The following SNTG1 variants were observed in gnomAD, a reference collection of about 807,000 sequenced individuals.
The protein encoded by SNTG1 is gamma-1-syntrophin.
SNTG1 carries 39 observed loss-of-function variants against 74.7 expected under a neutral mutation model. The observed-to-expected ratio is 0.52, with a 90% CI of 0.40 to 0.68. The LOEUF is 0.68. Ranked by LOEUF, SNTG1 falls within the 30% of genes least tolerant of loss-of-function variation. The pLI is 0.00. For synonymous variants in SNTG1, 254 were observed against 217.1 expected (o/e 1.17, Z -1.49); for missense variants, 685 against 609.5 (o/e 1.12, Z -1.30).
intron 9 of SNTG1, among the ~76,000 whole-genome samples, chr8:50,509,823 T>G (rs879208052): frequency 1.1e-4 from 16 of 152,002 alleles, no homozygotes; most frequent in African/African-American, 3.9e-4. Flanking sequence ...TGGGCTGAGA[T>G]GATGGGGTTT....
At chr8:50,149,048 T>C (rs1025449827) in intron 1 of SNTG1, among the ~76,000 whole-genome samples, 4 of 152,190 alleles carry the variant, frequency 2.6e-5, no homozygotes, top group Non-Finnish European at 4.4e-5. Context: ...CTCCACATCC[T>C]CTCCAGCACC....
chr8:50,049,442 CATAATAGTCATTAACA>C (rs1819380330), intron 1 of SNTG1, among the ~76,000 whole-genome samples: 1 of 152,096 alleles, frequency 6.6e-6, no homozygotes, highest in South Asian at 2.1e-4. Context: ...CATCAGAAGT[CATAATAGTCATTAACA>C]TGTTTGCACT....
intron 2 of SNTG1, among the ~76,000 whole-genome samples, chr8:50,327,014 G>C (rs2090775976): frequency 6.6e-6 from 1 of 151,992 alleles, no homozygotes; most frequent in Non-Finnish European, 1.5e-5. Flanking sequence ...ATATCTTTCT[G>C]TTATTGATTT....
At position 50,365,823 on chromosome 8, in the gene SNTG1, G is replaced by T. The variant is rs371534918; in HGVS notation, c.-27-28389G>T. Among the ~76,000 whole-genome samples, 6 of 152,104 alleles carry T rather than the reference G, an allele frequency of 3.9e-5. No homozygotes were observed. In the South Asian group the frequency reaches 6.2e-4, roughly 16 times the overall value. ...TGTTCTTGCTTATTCATTTTAAAAT[G>T]CATAAAATATTTTAAAAGCTTATTA... On this transcript the variant is annotated intron_variant, in intron 2 of 18. Coordinates refer to ENST00000642720, the MANE Select transcript of SNTG1 (RefSeq NM_018967.5).
intron 2 of SNTG1, among the ~76,000 whole-genome samples, chr8:50,371,491 G>A (rs983006558): frequency 6.6e-6 from 1 of 152,170 alleles, no homozygotes; most frequent in Non-Finnish European, 1.5e-5. Flanking sequence ...CTAACCTGGT[G>A]TGCAGATGAT....
chr8:50,740,368 A>G (rs1159742005), intron 17 of SNTG1, among the ~76,000 whole-genome samples: 1 of 151,884 alleles, frequency 6.6e-6, no homozygotes, highest in East Asian at 1.9e-4. Context: ...CATATGAAAA[A>G]AAAAAAAACC....
chr8:50,540,380 C>T lies in SNTG1; in HGVS notation c.680+3572C>T, dbSNP rs1585621045. On this transcript the variant is annotated intron_variant, in intron 11 of 18. Coordinates refer to ENST00000642720, the MANE Select transcript of SNTG1 (RefSeq NM_018967.5). Reference sequence around the variant, plus strand: ...AATTTCATGCTAGATGATTTCAATACTTTGATATTTGTTGAGGCTTGATTT... The same window carrying T: ...AATTTCATGCTAGATGATTTCAATATTTTGATATTTGTTGAGGCTTGATTT... Among the ~76,000 whole-genome samples, 3 of 151,934 alleles carry T rather than the reference C, an allele frequency of 2.0e-5. No individual in the cohort carries two copies. The East Asian group carries it at 5.8e-4, about 29-fold the overall frequency.
chr8:50,353,935 T>C (rs1253040050), intron 2 of SNTG1, among the ~76,000 whole-genome samples: 5 of 152,214 alleles, frequency 3.3e-5, no homozygotes, highest in Non-Finnish European at 7.3e-5. Context: ...AAGAATCTCA[T>C]GGTGTTTCAA....
chr8:50,731,042 T>G (rs1367121090), intron 17 of SNTG1, among the ~76,000 whole-genome samples: 1 of 152,210 alleles, frequency 6.6e-6, no homozygotes, highest in Non-Finnish European at 1.5e-5. Flanking sequence ...TTAAGAATCT[T>G]GCCCAAAGTC....
At chr8:50,246,211 T>G (rs2086391145) in intron 2 of SNTG1, among the ~76,000 whole-genome samples, 1 of 151,752 alleles carries the variant, frequency 6.6e-6, no homozygotes, top group African/African-American at 2.4e-5. Flanking sequence ...CTTAATCTGC[T>G]TATTCTTTGG....
intron 13 of SNTG1, among the ~76,000 whole-genome samples, chr8:50,608,151 A>G (rs1432956732): frequency 6.6e-6 from 1 of 151,760 alleles, no homozygotes; most frequent in Non-Finnish European, 1.5e-5. Flanking sequence ...GGATTTTTAT[A>G]AAACATGGAT....
intron 1 of SNTG1, among the ~76,000 whole-genome samples, chr8:50,074,582 T>C (rs1188132344): frequency 6.6e-6 from 1 of 152,218 alleles, no homozygotes; most frequent in Non-Finnish European, 1.5e-5. Context: ...TCGTGATTTG[T>C]GCCACCCCAA....
chr8:49,963,281 A>G (rs1344183730), intron 1 of SNTG1, among the ~76,000 whole-genome samples: 1 of 152,106 alleles, frequency 6.6e-6, no homozygotes, highest in Admixed American at 6.5e-5. Context: ...TGCTGCAAAC[A>G]CTCTGCCAGG....
At chr8:49,979,303 A>G (rs992954320) in intron 1 of SNTG1, among the ~76,000 whole-genome samples, 2 of 152,156 alleles carry the variant, frequency 1.3e-5, no homozygotes, top group African/African-American at 2.4e-5. Flanking sequence ...GCCCCGCGCC[A>G]CGACAGCCCA....
chr8:50,483,227 A>T (rs1403729711), intron 8 of SNTG1, among the ~76,000 whole-genome samples: 2 of 152,156 alleles, frequency 1.3e-5, no homozygotes, highest in Non-Finnish European at 2.9e-5. Context: ...TAGTTATCCT[A>T]TGTCTGACAT....
chr8:50,674,403 GA>G (rs2095300173), intron 15 of SNTG1, among the ~76,000 whole-genome samples: 1 of 151,942 alleles, frequency 6.6e-6, no homozygotes, highest in Non-Finnish European at 1.5e-5. Flanking sequence ...TTAGTCTTGG[GA>G]GGGTGTATGT....
chr8:50,425,921 A>T (rs2093158161), intron 4 of SNTG1, among the ~76,000 whole-genome samples: 1 of 152,176 alleles, frequency 6.6e-6, no homozygotes, highest in African/African-American at 2.4e-5. Context: ...TCTTCTGTAA[A>T]TCAAGTGCAA....
At chr8:50,383,645 A>G (rs747905359) in intron 2 of SNTG1, among the ~76,000 whole-genome samples, 2 of 152,124 alleles carry the variant, frequency 1.3e-5, no homozygotes, top group Non-Finnish European at 2.9e-5. Flanking sequence ...ATAGTTCTTC[A>G]CCTGGTAAGG....
intron 9 of SNTG1, 108 bp from the exon 10 acceptor site, chr8:50,530,069 C>A (rs1271061243): frequency 1.1e-6 from 1 of 896,638 alleles, no homozygotes; most frequent in Non-Finnish European, 1.7e-6. Context: ...ATTGTAATAT[C>A]TGATTTACTT....
Sources: gnomAD v4.1 joint callset for allele counts (sites outside exome capture counted in the v4.1 genomes callset) on GRCh38, gnomAD v4.1.1 for gene constraint, MANE v1.5 for transcripts, NCBI Gene and HGNC (gene_info 2026-07-23, HGNC 2026-07-21) for gene names.